The following FCHSD2 variants were observed in gnomAD, a reference collection of about 807,000 sequenced individuals.
The protein encoded by FCHSD2 is F-BAR and double SH3 domains protein 2.
FCHSD2 carries 38 observed loss-of-function variants against 108.1 expected under a neutral mutation model. The observed-to-expected ratio is 0.35, with a 90% CI of 0.27 to 0.46. The LOEUF (loss-of-function observed/expected upper bound fraction) is 0.46. Ranked by LOEUF, FCHSD2 falls within the 20% of genes least tolerant of loss-of-function variation. The pLI is 1.00. For synonymous variants in FCHSD2, 279 were observed against 314.7 expected, an observed-to-expected ratio of 0.89 and a Z score of 1.20; for missense variants, 751 against 897.8, an observed-to-expected ratio of 0.84 and a Z score of 2.09.
chr11:72,883,140 A>G (rs1855124022), intron 12 of FCHSD2, among the ~76,000 whole-genome samples: 1 of 152,206 alleles, frequency 6.6e-6, no homozygotes, highest in African/African-American at 2.4e-5. Context: ...AAAACCAAAC[A>G]TGACCCTTAA....
intron 8 of FCHSD2, among the ~76,000 whole-genome samples, chr11:72,978,798 A>G (rs1049683519): frequency 6.6e-6 from 1 of 151,328 alleles, no homozygotes; most frequent in African/African-American, 2.4e-5. Flanking sequence ...GCCATGCGGA[A>G]CTGAGTCAAT....
intron 8 of FCHSD2, among the ~76,000 whole-genome samples, chr11:72,948,918 G>T (rs1358231454): frequency 6.6e-6 from 1 of 151,820 alleles, no homozygotes; most frequent in Non-Finnish European, 1.5e-5. Flanking sequence ...GCCCACCTCG[G>T]CCTCCCAAAG....
At chr11:73,133,538 C>A (rs1026627900) in intron 2 of FCHSD2, among the ~76,000 whole-genome samples, 1 of 152,156 alleles carries the variant, frequency 6.6e-6, no homozygotes, top group South Asian at 2.1e-4. Context: ...CTTTGGCAGG[C>A]CAAGGCAGGT....
intron 3 of FCHSD2, among the ~76,000 whole-genome samples, chr11:73,061,466 C>T (rs1233219388): frequency 6.6e-6 from 1 of 152,226 alleles, no homozygotes; most frequent in Non-Finnish European, 1.5e-5. Flanking sequence ...GAACGATTCA[C>T]TTCCCCTGGA....
At chr11:73,104,724 G>A (rs1482424642) in intron 2 of FCHSD2, among the ~76,000 whole-genome samples, 2 of 151,508 alleles carry the variant, frequency 1.3e-5, no homozygotes, top group Admixed American at 6.6e-5. Context: ...ACGTGCCACC[G>A]CACCCGGCTA....
At chr11:73,016,763 G>C (rs1370554327) in intron 3 of FCHSD2, among the ~76,000 whole-genome samples, 1 of 152,106 alleles carries the variant, frequency 6.6e-6, no homozygotes, top group African/African-American at 2.4e-5. Flanking sequence ...CATGACACAA[G>C]TCACTTCAAA....
rs1205732966 is a variant in FCHSD2 at position 72,915,262 on chromosome 11, T to C, written c.828+6566A>G. Among the ~76,000 whole-genome samples, 3 of 151,716 alleles carry C rather than the reference T, an allele frequency of 2.0e-5. No individual in the cohort carries two copies. In the East Asian group the frequency reaches 5.8e-4, roughly 29 times the overall value. ...AAAAAAACAACGGATGCTGGCAAGG[T>C]TGTGGAGAAAAAGGAACACTTTTAC... On this transcript the variant is annotated intron_variant, in intron 9 of 19. Coordinates refer to ENST00000409418, the MANE Select transcript of FCHSD2 (RefSeq NM_014824.3).
At chr11:72,843,999 C>A (rs1166213315) in intron 14 of FCHSD2, among the ~76,000 whole-genome samples, 3 of 152,060 alleles carry the variant, frequency 2.0e-5, no homozygotes, top group Non-Finnish European at 4.4e-5. Flanking sequence ...CAGAGCGAGA[C>A]CCTGTCTCTA....
chr11:72,863,358 G>T (rs998474753), intron 13 of FCHSD2, among the ~76,000 whole-genome samples: 1 of 152,172 alleles, frequency 6.6e-6, no homozygotes, highest in Non-Finnish European at 1.5e-5. Flanking sequence ...AGCTCATGCT[G>T]AATTACAGAT....
At chr11:73,092,593 CTGAA>C (rs1157511293) in intron 2 of FCHSD2, among the ~76,000 whole-genome samples, 4 of 152,152 alleles carry the variant, frequency 2.6e-5, no homozygotes, top group Non-Finnish European at 4.4e-5. Flanking sequence ...AAAATGTTTG[CTGAA>C]TGAATGACTG....
chr11:73,045,437 T>C (rs954379924), intron 3 of FCHSD2, among the ~76,000 whole-genome samples: 1 of 151,768 alleles, frequency 6.6e-6, no homozygotes, highest in Non-Finnish European at 1.5e-5. Context: ...CAAAGGACTA[T>C]AAATCATGCT....
chr11:73,139,883 T>A, intron 2 of FCHSD2, 148 bp downstream of exon 2: 2 of 514,608 alleles, frequency 3.9e-6, no homozygotes, highest in Non-Finnish European at 6.9e-6. Flanking sequence ...TTAGTTCCAG[T>A]TCTAATTTCC....
chr11:72,947,166 C>T (rs1565336545), intron 8 of FCHSD2, among the ~76,000 whole-genome samples: 2 of 152,202 alleles, frequency 1.3e-5, no homozygotes. Context: ...AAGCATTTTC[C>T]AATATATCTT....
intron 8 of FCHSD2, chr11:72,940,731 T>C: frequency 1.1e-6 from 1 of 885,526 alleles, no homozygotes; most frequent in South Asian, 1.3e-5. Context: ...TTCCTAAGGG[T>C]GCAACTAATG....
At chr11:73,027,622 C>T (rs1291007729) in intron 3 of FCHSD2, among the ~76,000 whole-genome samples, 1 of 152,216 alleles carries the variant, frequency 6.6e-6, no homozygotes, top group Non-Finnish European at 1.5e-5. Context: ...CAGAAATTTG[C>T]ATGAGTAAAA....
At chr11:72,907,599 GTTTTTT>G (rs35079551) in intron 9 of FCHSD2, among the ~76,000 whole-genome samples, 3 of 114,664 alleles carry the variant, frequency 2.6e-5, no homozygotes, top group African/African-American at 1.0e-4. Flanking sequence ...AATCACGTGG[GTTTTTT>G]TTTTTTTTTT....
chr11:72,855,766 C>T (rs1861412947), intron 13 of FCHSD2, among the ~76,000 whole-genome samples: 1 of 151,972 alleles, frequency 6.6e-6, no homozygotes, highest in Admixed American at 6.6e-5. Context: ...AGAGCACTGT[C>T]CGTGATATAG....
chr11:72,989,892 C>T (rs1857378023), intron 5 of FCHSD2, among the ~76,000 whole-genome samples: 1 of 152,018 alleles, frequency 6.6e-6, no homozygotes, highest in African/African-American at 2.4e-5. Flanking sequence ...TGGAGACTGG[C>T]AAAAGCTCAG....
chr11:72,925,921 G>A (rs1856066387), intron 8 of FCHSD2, among the ~76,000 whole-genome samples: 1 of 152,232 alleles, frequency 6.6e-6, no homozygotes, highest in Non-Finnish European at 1.5e-5. Context: ...CCACCCTCCT[G>A]GGACTGGCTA....
Sources: allele counts gnomAD v4.1 joint callset (sites outside exome capture counted in the v4.1 genomes callset), GRCh38; gene constraint gnomAD v4.1.1; transcripts MANE v1.5; gene names NCBI Gene and HGNC (gene_info 2026-07-23, HGNC 2026-07-21).